Variants in GRID2 observed in about 807,000 individuals in gnomAD.
GRID2 encodes the protein glutamate ionotropic receptor delta type subunit 2.
GRID2 carries 33 observed loss-of-function variants against 114.8 expected under a neutral mutation model. The observed-to-expected ratio is 0.29, with a 90% CI of 0.22 to 0.38. The LOEUF is 0.38. Ranked by LOEUF, GRID2 falls within the 10% of genes least tolerant of loss-of-function variation. GRID2 has a pLI of 1.00. For synonymous variants in GRID2, 505 were observed against 449.9 expected, an observed-to-expected ratio of 1.12 and a Z score of -1.55; for missense variants, 1,184 against 1,257.7, an observed-to-expected ratio of 0.94 and a Z score of 0.89.
intron 8 of GRID2, among the ~76,000 whole-genome samples, chr4:93,327,316 C>T (rs1757938677): frequency 6.6e-6 from 1 of 152,126 alleles, no homozygotes; most frequent in African/African-American, 2.4e-5. Flanking sequence ...TTTACTTTCT[C>T]CAACCTACCC....
chr4:92,505,549 A>G (rs1433499612), intron 1 of GRID2, among the ~76,000 whole-genome samples: 1 of 152,068 alleles, frequency 6.6e-6, no homozygotes, highest in South Asian at 2.1e-4. Flanking sequence ...GTTGTAATAG[A>G]TAAGTGAATT....
intron 2 of GRID2, among the ~76,000 whole-genome samples, chr4:92,837,394 C>T (rs1454869561): frequency 1.3e-5 from 2 of 151,016 alleles, no homozygotes; most frequent in Non-Finnish European, 2.9e-5. Flanking sequence ...TCCGTTTCAA[C>T]ACTACCTTCA....
At chr4:93,231,904 A>T (rs1482564317) in intron 7 of GRID2, among the ~76,000 whole-genome samples, 1 of 152,170 alleles carries the variant, frequency 6.6e-6, no homozygotes, top group Non-Finnish European at 1.5e-5. Context: ...AACCCAACTT[A>T]GAAAATAGAT....
chr4:92,923,001 T>G (rs1749493001), intron 2 of GRID2, among the ~76,000 whole-genome samples: 1 of 152,208 alleles, frequency 6.6e-6, no homozygotes, highest in African/African-American at 2.4e-5. Flanking sequence ...AAAATACCAT[T>G]AAACTTTACA....
At chr4:93,133,933 G>GC (rs1735018084) in intron 4 of GRID2, among the ~76,000 whole-genome samples, 2 of 152,146 alleles carry the variant, frequency 1.3e-5, no homozygotes, top group Non-Finnish European at 2.9e-5. Context: ...TAGAAAAGTA[G>GC]AATTCCATTT....
chr4:93,555,867 C>T (rs1184768573), intron 13 of GRID2, among the ~76,000 whole-genome samples: 3 of 152,144 alleles, frequency 2.0e-5, no homozygotes, highest in African/African-American at 7.2e-5. Flanking sequence ...CTCCACCTGG[C>T]ATCTGGCAGG....
intron 2 of GRID2, among the ~76,000 whole-genome samples, chr4:92,777,201 T>C (rs1005285576): frequency 2.0e-5 from 3 of 151,974 alleles, no homozygotes; most frequent in African/African-American, 4.8e-5. Context: ...GTTCTAAGCA[T>C]GTATAAGTAG....
chr4:93,765,704 A>G (rs1733610932), intron 14 of GRID2, among the ~76,000 whole-genome samples: 1 of 151,368 alleles, frequency 6.6e-6, no homozygotes, highest in South Asian at 2.1e-4. Flanking sequence ...AAGAATAAGG[A>G]GACAAAATTA....
At chr4:92,362,885 T>C (rs1378184865) in intron 1 of GRID2, among the ~76,000 whole-genome samples, 2 of 152,038 alleles carry the variant, frequency 1.3e-5, no homozygotes, top group African/African-American at 2.4e-5. Flanking sequence ...GTGTAGTAGA[T>C]ATTATTTTAA....
At chr4:93,261,889 CAT>C (rs549679577) in intron 8 of GRID2, among the ~76,000 whole-genome samples, 4 of 150,558 alleles carry the variant, frequency 2.7e-5, no homozygotes, top group African/African-American at 7.3e-5. Flanking sequence ...ATGCATGTTA[CAT>C]ATATATATAT....
chr4:92,415,740 G>GTACATA, intron 1 of GRID2, among the ~76,000 whole-genome samples: 1 of 82,218 alleles, frequency 1.2e-5, no homozygotes, highest in Non-Finnish European at 2.4e-5. Context: ...GTGTATGTGT[G>GTACATA]TATATATATA....
chr4:93,172,902 C>T (rs1456056920), intron 4 of GRID2, among the ~76,000 whole-genome samples: 1 of 151,716 alleles, frequency 6.6e-6, no homozygotes, highest in Non-Finnish European at 1.5e-5. Flanking sequence ...AAAAATATCA[C>T]ATCTTAAACT....
intron 1 of GRID2, among the ~76,000 whole-genome samples, chr4:92,413,792 CT>C (rs1731452049): frequency 6.6e-6 from 1 of 151,880 alleles, no homozygotes; most frequent in Non-Finnish European, 1.5e-5. Context: ...AGTAATTTCA[CT>C]GCTGTAATGT....
chr4:92,325,060 G>A (rs1445350860), intron 1 of GRID2, among the ~76,000 whole-genome samples: 1 of 151,752 alleles, frequency 6.6e-6, no homozygotes, highest in Non-Finnish European at 1.5e-5. Flanking sequence ...TATATATACA[G>A]TATATGATTA....
At chr4:93,695,173 A>G (rs1195314368) in intron 14 of GRID2, among the ~76,000 whole-genome samples, 2 of 39,120 alleles carry the variant, frequency 5.1e-5, no homozygotes, top group African/African-American at 9.7e-5. Context: ...TCCGTCTCGG[A>G]AAAAAAAAAA....
chr4:93,396,419 A>G (rs902206358), intron 9 of GRID2, among the ~76,000 whole-genome samples: 1 of 151,952 alleles, frequency 6.6e-6, no homozygotes, highest in African/African-American at 2.4e-5. Flanking sequence ...ACACAATCAC[A>G]TTGTGTAGGG....
chr4:93,758,570 A>C (rs1435148395), intron 14 of GRID2, among the ~76,000 whole-genome samples: 1 of 152,214 alleles, frequency 6.6e-6, no homozygotes, highest in African/African-American at 2.4e-5. Context: ...GTCTCTTCAA[A>C]AAGTATCCTT....
At chr4:93,366,665 A>C (rs1762367154) in intron 8 of GRID2, among the ~76,000 whole-genome samples, 1 of 151,948 alleles carries the variant, frequency 6.6e-6, no homozygotes, top group Non-Finnish European at 1.5e-5. Context: ...ATCCCTAATA[A>C]AAACTTACTG....
At chr4:92,579,103 T>A (rs1728050866) in intron 1 of GRID2, among the ~76,000 whole-genome samples, 1 of 152,154 alleles carries the variant, frequency 6.6e-6, no homozygotes, top group Non-Finnish European at 1.5e-5. Flanking sequence ...CCTTATGTAC[T>A]TCAACTATGG....
Sources: gnomAD v4.1 joint callset for allele counts (sites outside exome capture counted in the v4.1 genomes callset) on GRCh38, gnomAD v4.1.1 for gene constraint, MANE v1.5 for transcripts, NCBI Gene and HGNC (gene_info 2026-07-23, HGNC 2026-07-21) for gene names.